Variants in ADGRF5 observed in about 807,000 individuals in gnomAD.
ADGRF5 encodes G-protein coupled receptor 116.
A neutral mutation model predicts 132.3 loss-of-function variants in ADGRF5; 75 were observed. That is an observed-to-expected ratio of 0.57 (90% CI 0.47 to 0.69). The LOEUF (loss-of-function observed/expected upper bound fraction) is 0.69, where lower values mean the gene tolerates loss of function less well. Among genes scored for constraint, ADGRF5 ranks in the 30% least tolerant of loss-of-function variants. The pLI is 0.00. For synonymous variants in ADGRF5, 629 were observed against 597.6 expected (o/e 1.05, Z -0.77); for missense variants, 1,516 against 1,630.6 (o/e 0.93, Z 1.21).
rs376020707 is a variant in ADGRF5, at chr6:46,884,315, T to C, written c.329-44A>G. 2.1e-5 allele frequency: 31 copies of C among 1,498,570 alleles called. No individual in the cohort carries two copies. In the African/African-American group the frequency reaches 4.1e-4, roughly 20 times the overall value. The allele number at this position is 1,498,570 out of a possible 1,614,324, so 92.8% of individuals were successfully genotyped here. ...GCAAGGAGAGAGAAGGTGGAGAAGG[T>C]GGTCACCATATTTGTATTTATAGCC... On this transcript the variant is annotated intron_variant, in intron 4 of 20. Coordinates refer to ENST00000283296, the MANE Select transcript of ADGRF5 (RefSeq NM_001098518.2).
At position 46,883,656 on chromosome 6, in the gene ADGRF5, A is replaced by T; in HGVS notation, c.515T>A (p.Leu172Gln). 1 of 1,570,344 alleles carries T rather than the reference A, an allele frequency of 6.4e-7. No homozygotes were observed. The highest frequency in any genetic ancestry group is 8.7e-7 in the Non-Finnish European group (1 of 1,151,156). ...PFCLLQEDVT[L>Q]NMRVRLNVGF... is the part of the protein sequence containing the mutation. ...TACATTTAGTCTGACTCTCATGTTC[A>T]GGGTAACATCTGTTGAAAAACACAG... Residue 172 changes from leucine (L) to glutamine (Q), a missense_variant, in exon 6 of 21, where the codon CTG becomes CAG. Around this residue, in one of 2 missense-constraint regions of ADGRF5, gnomAD observed 945 missense variants for 929.4 expected, o/e 1.02. Transcript: ENST00000283296.
At chr6:46,854,199 C>A in intron 20 of ADGRF5, 128 bp from the exon 21 acceptor site, 1 of 590,698 alleles carries the variant, frequency 1.7e-6, no homozygotes, top group Non-Finnish European at 2.9e-6. Context: ...GCCTGGAAAC[C>A]AACCCATACC....
chr6:46,929,562 T>A (rs1777453683), intron 1 of ADGRF5, among the ~76,000 whole-genome samples: 1 of 150,920 alleles, frequency 6.6e-6, no homozygotes, highest in African/African-American at 2.4e-5. Context: ...GATATCCCTT[T>A]CTCTTACCCC....
At chr6:46,947,663 T>A (rs1294045550) in intron 1 of ADGRF5, among the ~76,000 whole-genome samples, 2 of 152,172 alleles carry the variant, frequency 1.3e-5, no homozygotes, top group Non-Finnish European at 2.9e-5. Context: ...TGGAAGGAAA[T>A]TCCCAGGCCC....
At chr6:46,918,556 T>G (rs534948323) in intron 1 of ADGRF5, among the ~76,000 whole-genome samples, 119 of 152,342 alleles carry the variant, frequency 7.8e-4, no homozygotes, top group African/African-American at 2.8e-3. Context: ...GAATAAAAAG[T>G]ATGATCTGAT....
At chr6:46,869,222 A>G (rs1581769320) in intron 11 of ADGRF5, 130 bp from the exon 12 acceptor site, 1 of 1,489,518 alleles carries the variant, frequency 6.7e-7, no homozygotes, top group Non-Finnish European at 8.9e-7. Context: ...TCCTGACTCT[A>G]CTCATGTCAA....
intron 14 of ADGRF5, chr6:46,863,348 A>T: frequency 1.8e-6 from 1 of 563,412 alleles, no homozygotes. Context: ...TCATCTGGAG[A>T]TTCTCAACTG....
At chr6:46,932,077 A>C (rs1344043422) in intron 1 of ADGRF5, among the ~76,000 whole-genome samples, 1 of 152,212 alleles carries the variant, frequency 6.6e-6, no homozygotes, top group Non-Finnish European at 1.5e-5. Context: ...AAATAATTAT[A>C]TTGAAATACA....
intron 3 of ADGRF5, among the ~76,000 whole-genome samples, chr6:46,897,420 T>C (rs998521122): frequency 2.6e-5 from 4 of 152,062 alleles, no homozygotes; most frequent in African/African-American, 9.7e-5. Flanking sequence ...GGTATGTGTA[T>C]GTAAAAGGGA....
At chr6:46,902,568 C>A (rs933144888) in intron 2 of ADGRF5, among the ~76,000 whole-genome samples, 1 of 152,182 alleles carries the variant, frequency 6.6e-6, no homozygotes, top group African/African-American at 2.4e-5. Context: ...GGGTGAGGTG[C>A]AGAAAACTGC....
At chr6:46,865,287 T>C (rs964642464) in intron 13 of ADGRF5, 90 bp from the exon 14 acceptor site, 5 of 866,990 alleles carry the variant, frequency 5.8e-6, no homozygotes, top group Non-Finnish European at 9.1e-6. Flanking sequence ...AATAAACCTG[T>C]CCAAGCTTTC....
chr6:46,939,806 T>C (rs527380082), intron 1 of ADGRF5, among the ~76,000 whole-genome samples: 70 of 152,358 alleles, frequency 4.6e-4, no homozygotes, highest in African/African-American at 1.6e-3. Context: ...GTAAATGGAA[T>C]TGAATCCACT....
chr6:46,951,101 T>G (rs940980855), intron 1 of ADGRF5, among the ~76,000 whole-genome samples: 51 of 152,206 alleles, frequency 3.4e-4, no homozygotes, highest in African/African-American at 1.1e-3. Flanking sequence ...ATATCCCTTT[T>G]GTTATTACGA....
At chr6:46,887,314 C>T (rs987856864) in intron 4 of ADGRF5, among the ~76,000 whole-genome samples, 7 of 152,172 alleles carry the variant, frequency 4.6e-5, no homozygotes, top group African/African-American at 1.7e-4. Context: ...CGGGTGGGAA[C>T]ATAGAAGGGT....
intron 10 of ADGRF5, among the ~76,000 whole-genome samples, chr6:46,876,568 T>C (rs988229305): frequency 1.3e-5 from 2 of 152,186 alleles, no homozygotes; most frequent in African/African-American, 2.4e-5. Flanking sequence ...GGAAATTACA[T>C]GTGCTTAGGA....
intron 1 of ADGRF5, among the ~76,000 whole-genome samples, chr6:46,917,280 T>G (rs1776497740): frequency 6.6e-6 from 1 of 152,166 alleles, no homozygotes; most frequent in Non-Finnish European, 1.5e-5. Context: ...TATTTTGTCT[T>G]CCCCAGAGAT....
chr6:46,912,672 G>T (rs187505411), intron 1 of ADGRF5, among the ~76,000 whole-genome samples: 22 of 152,268 alleles, frequency 1.4e-4, no homozygotes, highest in African/African-American at 5.1e-4. Context: ...CAAGATGATT[G>T]GAAATTGTGA....
chr6:46,863,363 A>G (rs527505803), intron 14 of ADGRF5: 57 of 534,292 alleles, frequency 1.1e-4, no homozygotes, highest in African/African-American at 1.0e-3. Context: ...CAACTGTGAC[A>G]TATTAGAATC....
At chr6:46,953,084 G>T (rs897423897) in intron 1 of ADGRF5, among the ~76,000 whole-genome samples, 1 of 152,200 alleles carries the variant, frequency 6.6e-6, no homozygotes, top group South Asian at 2.1e-4. Flanking sequence ...GTCAGATACT[G>T]AGAGGGTGAG....
Sources: allele counts gnomAD v4.1 joint callset (sites outside exome capture counted in the v4.1 genomes callset), GRCh38; gene constraint gnomAD v4.1.1; regional missense constraint gnomAD v4.1.1; transcripts MANE v1.5; gene names NCBI Gene and HGNC (gene_info 2026-07-23, HGNC 2026-07-21).